The following GRID2 variants were observed in gnomAD, a reference collection of about 807,000 sequenced individuals.
The protein encoded by GRID2 is glutamate receptor ionotropic, delta-2.
Under a neutral mutation model 114.8 loss-of-function variants are expected in GRID2, and 33 were observed. That is an observed-to-expected ratio of 0.29 (90% confidence interval 0.22 to 0.38). GRID2 has a LOEUF of 0.38. Ranked by LOEUF, GRID2 falls within the 10% of genes least tolerant of loss-of-function variation. The pLI, the probability that GRID2 is intolerant of heterozygous loss-of-function variation, is 1.00. For synonymous variants in GRID2, 505 were observed against 449.9 expected (o/e 1.12, Z -1.55); for missense variants, 1,184 against 1,257.7 (o/e 0.94, Z 0.89).
intron 9 of GRID2, among the ~76,000 whole-genome samples, chr4:93,397,285 A>G (rs994955855): frequency 6.6e-6 from 1 of 152,038 alleles, no homozygotes; most frequent in Admixed American, 6.6e-5. Context: ...GTATTTCACA[A>G]CTTAAATGTG....
chr4:92,623,482 T>C (rs1047891999), intron 2 of GRID2, among the ~76,000 whole-genome samples: 1 of 151,660 alleles, frequency 6.6e-6, no homozygotes, highest in African/African-American at 2.4e-5. Flanking sequence ...AACTGAAAAC[T>C]ATATGTAAGC....
At chr4:93,765,458 C>A (rs542565234) in intron 14 of GRID2, among the ~76,000 whole-genome samples, 20 of 152,088 alleles carry the variant, frequency 1.3e-4, no homozygotes, top group African/African-American at 4.8e-4. Context: ...GTGGCATATT[C>A]GTACTTGAAG....
intron 1 of GRID2, among the ~76,000 whole-genome samples, chr4:92,519,909 A>G (rs1724682507): frequency 6.6e-6 from 1 of 151,882 alleles, no homozygotes; most frequent in African/African-American, 2.4e-5. Flanking sequence ...AGGTCCACCC[A>G]TATTGGGGGG....
intron 2 of GRID2, among the ~76,000 whole-genome samples, chr4:92,998,162 C>T (rs946581307): frequency 1.3e-5 from 2 of 151,978 alleles, no homozygotes; most frequent in African/African-American, 4.8e-5. Flanking sequence ...ATTAATGAAA[C>T]TAGGCAAACA....
At chr4:92,398,055 A>C (rs760835340) in intron 1 of GRID2, among the ~76,000 whole-genome samples, 1 of 152,130 alleles carries the variant, frequency 6.6e-6, no homozygotes, top group Non-Finnish European at 1.5e-5. Context: ...GCACACACAC[A>C]CAAAATAATA....
At chr4:93,118,384 C>T (rs1396981506) in intron 4 of GRID2, among the ~76,000 whole-genome samples, 3 of 152,092 alleles carry the variant, frequency 2.0e-5, no homozygotes, top group African/African-American at 7.2e-5. Context: ...GAGATTAAAG[C>T]TCAACAATGA....
chr4:93,123,450 C>T (rs191068800), intron 4 of GRID2, among the ~76,000 whole-genome samples: 198 of 152,240 alleles, frequency 1.3e-3, no homozygotes, highest in African/African-American at 4.4e-3. Flanking sequence ...CCATTTTTCA[C>T]TTATTCAATT....
At chr4:93,513,428 T>A (rs560942786) in intron 12 of GRID2, among the ~76,000 whole-genome samples, 1 of 152,320 alleles carries the variant, frequency 6.6e-6, no homozygotes, top group East Asian at 1.9e-4. Context: ...TATATCAAGA[T>A]AATTATGGTA....
At chr4:92,882,921 T>C (rs1175493266) in intron 2 of GRID2, among the ~76,000 whole-genome samples, 1 of 152,260 alleles carries the variant, frequency 6.6e-6, no homozygotes, top group Non-Finnish European at 1.5e-5. Flanking sequence ...TGAAGGCTGC[T>C]GAGTGGTCAC....
intron 3 of GRID2, among the ~76,000 whole-genome samples, chr4:93,101,082 G>T (rs1048004243): frequency 6.6e-6 from 1 of 152,088 alleles, no homozygotes; most frequent in East Asian, 1.9e-4. Flanking sequence ...CTCTCACAGT[G>T]CTTGGCACAT....
chr4:92,522,705 A>G (rs1340180512), intron 1 of GRID2, among the ~76,000 whole-genome samples: 1 of 151,962 alleles, frequency 6.6e-6, no homozygotes, highest in Admixed American at 6.6e-5. Flanking sequence ...CAAGAGCAGT[A>G]GTCAAAGATA....
chr4:93,013,490 T>G (rs894337129), intron 2 of GRID2, among the ~76,000 whole-genome samples: 3 of 151,974 alleles, frequency 2.0e-5, no homozygotes, highest in Non-Finnish European at 4.4e-5. Context: ...TGTAAAGATT[T>G]TAACTTAGCA....
intron 2 of GRID2, among the ~76,000 whole-genome samples, chr4:93,042,692 C>CATAT (rs917955921): frequency 3.0e-5 from 4 of 133,736 alleles, no homozygotes; most frequent in African/African-American, 8.2e-5. Flanking sequence ...TATATATATG[C>CATAT]ATATATATAT....
At chr4:93,280,372 C>T (rs1259241558) in intron 8 of GRID2, among the ~76,000 whole-genome samples, 2 of 151,980 alleles carry the variant, frequency 1.3e-5, no homozygotes, top group Non-Finnish European at 2.9e-5. Flanking sequence ...TATACAAATA[C>T]ATGAGAAGTA....
intron 2 of GRID2, among the ~76,000 whole-genome samples, chr4:92,650,197 A>T: frequency 6.6e-6 from 1 of 152,082 alleles, no homozygotes. Context: ...AATATTCATG[A>T]TACTGGCAGT....
intron 14 of GRID2, among the ~76,000 whole-genome samples, chr4:93,689,853 G>A (rs984815844): frequency 3.9e-5 from 6 of 151,922 alleles, no homozygotes; most frequent in Non-Finnish European, 8.8e-5. Context: ...TCCTGATTCT[G>A]GATAAAGAAA....
chr4:93,028,284 G>T (rs188562418), intron 2 of GRID2, among the ~76,000 whole-genome samples: 20 of 152,152 alleles, frequency 1.3e-4, no homozygotes, highest in Admixed American at 7.2e-4. Flanking sequence ...GATAAAGAAG[G>T]TATCTAGAAC....
chr4:92,591,674 T>G (rs544285674), intron 2 of GRID2, among the ~76,000 whole-genome samples: 1 of 152,274 alleles, frequency 6.6e-6, no homozygotes, highest in East Asian at 1.9e-4. Context: ...TTTATTGAAA[T>G]ATATTTTCAA....
intron 1 of GRID2, among the ~76,000 whole-genome samples, chr4:92,581,218 A>G (rs1218974854): frequency 6.6e-5 from 10 of 150,644 alleles, no homozygotes; most frequent in Non-Finnish European, 1.2e-4. Flanking sequence ...TTTTTTTAGA[A>G]ATAGTCACAA....
Sources: gnomAD v4.1 joint callset for allele counts (sites outside exome capture counted in the v4.1 genomes callset) on GRCh38, gnomAD v4.1.1 for gene constraint, MANE v1.5 for transcripts, NCBI Gene and HGNC (gene_info 2026-07-23, HGNC 2026-07-21) for gene names.